Variants in ZFAT observed in about 807,000 individuals in gnomAD.
ZFAT encodes the protein zinc finger and AT-hook domain containing.
ZFAT carries 64 observed loss-of-function variants against 117.7 expected under a neutral mutation model. That is an observed-to-expected ratio of 0.54 (90% CI 0.44 to 0.67). The LOEUF (loss-of-function observed/expected upper bound fraction) is 0.67, where lower values mean the gene tolerates loss of function less well. Ranked by LOEUF, ZFAT falls within the 30% of genes least tolerant of loss-of-function variation. ZFAT has a pLI of 0.00. For missense variants in ZFAT, 1,433 were observed against 1,584.5 expected (o/e 0.90, Z 1.62); for synonymous variants, 679 against 615.0 (o/e 1.10, Z -1.54).
At chr8:134,826,343 G>A in the ZFAT span, among the ~76,000 whole-genome samples, 4 of 151,990 alleles carry the variant, frequency 2.6e-5, no homozygotes, top group East Asian at 1.9e-4. Context: ...ATATAATCAC[G>A]AAGAACAAAA....
chr8:134,560,841 A>C (rs1335228263), intron 11 of ZFAT, among the ~76,000 whole-genome samples: 1 of 152,230 alleles, frequency 6.6e-6, no homozygotes, highest in African/African-American at 2.4e-5. Context: ...ATTTGGAAGA[A>C]AGCAAAGAGT....
Position 134,590,367 on chromosome 8 carries a change from G to T in ZFAT, c.2476-12C>A, listed in dbSNP as rs756736491. The stretch of plus-strand genomic sequence containing the variant: ...TAACTCCTTTTGTCCTTAATAGAAA[G>T]AGAACATAATCAGTTGACTTTCTCA... On this transcript the variant is annotated splice_polypyrimidine_tract_variant and intron_variant, in intron 7 of 15. Transcript: ENST00000377838. The T allele has an allele frequency of 3.1e-6, 5 of 1,596,678 alleles. No individual in the cohort carries two copies. The highest frequency in any genetic ancestry group is 3.4e-6 in the Non-Finnish European group (4 of 1,167,692).
At chr8:134,695,410 C>G (rs1368063354) in intron 1 of ZFAT, among the ~76,000 whole-genome samples, 1 of 151,436 alleles carries the variant, frequency 6.6e-6, no homozygotes, top group Non-Finnish European at 1.5e-5. Flanking sequence ...CCCCCAGGCC[C>G]GGCCATCTCC....
chr8:134,652,555 C>T (rs1030701727), intron 2 of ZFAT, among the ~76,000 whole-genome samples: 3 of 152,106 alleles, frequency 2.0e-5, no homozygotes, highest in African/African-American at 7.2e-5. Flanking sequence ...TCTCTAAAGA[C>T]AAGTGTTAAT....
chr8:134,478,580 T>A lies in ZFAT; in HGVS notation c.3634A>T (p.Thr1212Ser). ...AACTCCGAGGCCTCCCCGCCCTGCG[T>A]GTAGACAGTCACCGTCTCAATGCCC... ...VEGIETVTVY[T>S]QGGEASEFIV... is the part of the protein sequence containing the mutation. Residue 1212 changes from threonine to serine, a missense_variant, in exon 16 of 16, where the codon ACG becomes TCG. Physicochemically the swap from Thr to Ser is moderately conservative, Grantham distance 58. Transcript: ENST00000377838. The surrounding 1 kb of genome is among the most constrained non-coding windows in gnomAD (Gnocchi z 5.2). The A allele has an allele frequency of 6.3e-7, 1 of 1,594,358 alleles. No individual in the cohort carries two copies. The highest frequency in any genetic ancestry group is 8.5e-7 in the Non-Finnish European group (1 of 1,170,872).
intron 6 of ZFAT, among the ~76,000 whole-genome samples, 162 bp downstream of exon 6, chr8:134,601,315 G>A (rs918807453): frequency 6.6e-6 from 1 of 152,160 alleles, no homozygotes; most frequent in Non-Finnish European, 1.5e-5. Context: ...AAGACTCCAA[G>A]CGCTAACGGC....
At chr8:134,811,718 A>G in the ZFAT span, among the ~76,000 whole-genome samples, 1 of 152,226 alleles carries the variant, frequency 6.6e-6, no homozygotes, top group Non-Finnish European at 1.5e-5. Flanking sequence ...TGATAATCTG[A>G]TAGTCTACTG....
chr8:134,569,397 G>C (rs1824713795), intron 10 of ZFAT, among the ~76,000 whole-genome samples: 1 of 152,120 alleles, frequency 6.6e-6, no homozygotes, highest in Admixed American at 6.5e-5. Context: ...CAGCTAATAA[G>C]GGTGTGATAC....
intron 3 of ZFAT, among the ~76,000 whole-genome samples, chr8:134,629,900 G>C (rs111545175): frequency 1.1e-3 from 175 of 152,304 alleles, no homozygotes; most frequent in Middle Eastern, 6.8e-3. Flanking sequence ...TCTGAGCCAA[G>C]GTGAAACCAC....
At chr8:134,657,356 T>C (rs890306929) in intron 2 of ZFAT, among the ~76,000 whole-genome samples, 3 of 152,242 alleles carry the variant, frequency 2.0e-5, no homozygotes, top group African/African-American at 7.2e-5. Context: ...CATTCATTCT[T>C]TCATTCATTC....
intron 1 of ZFAT, among the ~76,000 whole-genome samples, chr8:134,708,426 A>G (rs994056772): frequency 6.6e-6 from 1 of 152,188 alleles, no homozygotes; most frequent in Non-Finnish European, 1.5e-5. Flanking sequence ...ACATCACATT[A>G]TACCCCGTAA....
chr8:134,608,053 G>T (rs1828025434), intron 5 of ZFAT, among the ~76,000 whole-genome samples: 1 of 152,118 alleles, frequency 6.6e-6, no homozygotes, highest in Admixed American at 6.5e-5. Context: ...GTAAAAACTG[G>T]CTATATAAAC....
At chr8:134,568,854 A>C (rs893433975) in intron 10 of ZFAT, among the ~76,000 whole-genome samples, 1 of 152,170 alleles carries the variant, frequency 6.6e-6, no homozygotes, top group Non-Finnish European at 1.5e-5. Context: ...CTAATCATAA[A>C]AGAGCAATAC....
intron 2 of ZFAT, among the ~76,000 whole-genome samples, chr8:134,656,888 C>T (rs1162802239): frequency 6.6e-6 from 1 of 152,158 alleles, no homozygotes; most frequent in Non-Finnish European, 1.5e-5. Context: ...ATCCGTGCAC[C>T]TGCTGCATCG....
intron 2 of ZFAT, among the ~76,000 whole-genome samples, chr8:134,647,850 CACAAATAAATGGAAA>C (rs1830990299): frequency 6.6e-6 from 1 of 152,008 alleles, no homozygotes; most frequent in South Asian, 2.1e-4. Context: ...TTGAAGACGA[CACAAATAAATGGAAA>C]GATATCCCAC....
chr8:134,752,990 T>C, the ZFAT span, among the ~76,000 whole-genome samples: 4 of 152,166 alleles, frequency 2.6e-5, no homozygotes, highest in Non-Finnish European at 5.9e-5. Context: ...TGGTTGATAG[T>C]GACTTTTGGT....
chr8:134,593,139 T>C (rs1826655751), intron 7 of ZFAT, among the ~76,000 whole-genome samples: 11 of 152,056 alleles, frequency 7.2e-5, no homozygotes, highest in Admixed American at 6.5e-4. Flanking sequence ...CCTGGCTGCC[T>C]CTCGGTGCCC....
At chr8:134,509,498 T>C (rs17688265) in intron 15 of ZFAT, 121 bp downstream of exon 15, 178,986 of 1,420,848 alleles carry the variant, frequency 0.13, 12,453 homozygotes, top group Admixed American at 0.22. Context: ...GGTATGAGAC[T>C]AGACCAATTT....
At chr8:134,518,117 A>G (rs1048545392) in intron 13 of ZFAT, among the ~76,000 whole-genome samples, 6 of 152,122 alleles carry the variant, frequency 3.9e-5, no homozygotes, top group Non-Finnish European at 8.8e-5. Context: ...ATCTGCTATG[A>G]TTGTTCCTGT....
Sources: allele counts gnomAD v4.1 joint callset (sites outside exome capture counted in the v4.1 genomes callset), GRCh38; gene constraint gnomAD v4.1.1; non-coding constraint Gnocchi (gnomAD v3.1); transcripts MANE v1.5; gene names NCBI Gene and HGNC (gene_info 2026-07-23, HGNC 2026-07-21).